Variants in KAZN observed in about 807,000 individuals in gnomAD.
The protein encoded by KAZN is kazrin, periplakin interacting protein.
Under a neutral mutation model 87.4 loss-of-function variants are expected in KAZN, and 40 were observed. The ratio of observed to expected loss-of-function variants is 0.46; its 90% CI spans 0.36 to 0.60. KAZN has a LOEUF of 0.60. Ranked by LOEUF, KAZN falls within the 20% of genes least tolerant of loss-of-function variation. The probability of loss-of-function intolerance (pLI) is 0.00; values close to 1 mark genes in which losing one functional copy is unlikely to be tolerated. For missense variants in KAZN, 898 were observed against 1,073.9 expected, an observed-to-expected ratio of 0.84 and a Z score of 2.29; for synonymous variants, 466 against 458.3, an observed-to-expected ratio of 1.02 and a Z score of -0.22.
chr1:13,935,458 G>A (rs1640693284), intron 1 of KAZN, among the ~76,000 whole-genome samples: 1 of 152,178 alleles, frequency 6.6e-6, no homozygotes, highest in South Asian at 2.1e-4. Context: ...CTGTGATCTT[G>A]ACTGCTGTGC....
At chr1:14,471,277 A>G (rs949866140) in intron 2 of KAZN, among the ~76,000 whole-genome samples, 5 of 152,260 alleles carry the variant, frequency 3.3e-5, no homozygotes, top group Non-Finnish European at 7.3e-5. Flanking sequence ...CTCTATAATT[A>G]TAATTTCAAA....
At chr1:14,290,698 C>T (rs979540115) in intron 2 of KAZN, among the ~76,000 whole-genome samples, 1 of 152,202 alleles carries the variant, frequency 6.6e-6, no homozygotes, top group Non-Finnish European at 1.5e-5. Flanking sequence ...CAAAGTCATT[C>T]TCCGTCCAGC....
chr1:14,108,672 G>A (rs976763663), intron 1 of KAZN, among the ~76,000 whole-genome samples: 7 of 152,034 alleles, frequency 4.6e-5, no homozygotes, highest in African/African-American at 1.5e-4. Flanking sequence ...GTCCTCTTAC[G>A]TATCCCCAAA....
At chr1:14,278,034 G>A (rs1652523438) in intron 2 of KAZN, among the ~76,000 whole-genome samples, 1 of 151,610 alleles carries the variant, frequency 6.6e-6, no homozygotes, top group African/African-American at 2.4e-5. Context: ...ATGTGGAGAG[G>A]TGGCAGGTGC....
intron 10 of KAZN, among the ~76,000 whole-genome samples, chr1:15,097,016 G>A (rs186247567): frequency 4.3e-4 from 66 of 152,308 alleles, no homozygotes; most frequent in Middle Eastern, 6.8e-3. Context: ...TCCTGGAGGA[G>A]GCAGAGGACT....
At chr1:13,895,096 C>T (rs1457276808) in intron 1 of KAZN, among the ~76,000 whole-genome samples, 1 of 152,202 alleles carries the variant, frequency 6.6e-6, no homozygotes, top group African/African-American at 2.4e-5. Flanking sequence ...AAACATCCTT[C>T]TATGGGTCAG....
intron 2 of KAZN, among the ~76,000 whole-genome samples, chr1:14,187,685 C>G (rs2100344935): frequency 6.6e-6 from 1 of 152,216 alleles, no homozygotes; most frequent in East Asian, 1.9e-4. Context: ...AGGTAGAAGC[C>G]AAGGATGTTG....
At chr1:14,020,881 G>A (rs182128860) in intron 1 of KAZN, among the ~76,000 whole-genome samples, 5 of 152,278 alleles carry the variant, frequency 3.3e-5, no homozygotes, top group East Asian at 1.9e-4. Flanking sequence ...ATTTGTCACC[G>A]TTCCTTTAGA....
intron 1 of KAZN, among the ~76,000 whole-genome samples, chr1:14,840,820 G>A (rs1647878303): frequency 6.6e-6 from 1 of 152,190 alleles, no homozygotes. Flanking sequence ...CATATCTATT[G>A]AATGCATGCC....
chr1:13,994,408 A>C (rs1309419508), intron 1 of KAZN, among the ~76,000 whole-genome samples: 1 of 152,262 alleles, frequency 6.6e-6, no homozygotes, highest in African/African-American at 2.4e-5. Flanking sequence ...AGTTAAAATC[A>C]TAAAGAGTCA....
chr1:14,056,195 A>T (rs1270626601), intron 1 of KAZN, among the ~76,000 whole-genome samples: 1 of 152,216 alleles, frequency 6.6e-6, no homozygotes, highest in African/African-American at 2.4e-5. Flanking sequence ...TCCACCTCTT[A>T]ATCTCCAGAA....
chr1:14,425,633 C>T (rs902138650), intron 2 of KAZN, among the ~76,000 whole-genome samples: 5 of 152,210 alleles, frequency 3.3e-5, no homozygotes, highest in African/African-American at 9.6e-5. Flanking sequence ...GGACACATTC[C>T]ACCAAGTGTC....
chr1:14,625,432 CA>C (rs562990962), intron 1 of KAZN, among the ~76,000 whole-genome samples: 1 of 152,216 alleles, frequency 6.6e-6, no homozygotes, highest in East Asian at 1.9e-4. Flanking sequence ...CTCTTCTCTG[CA>C]AGTGGAAAAT....
rs1412260616 is a variant in KAZN at position 14,142,108 on chromosome 1, C to T, written c.92-38327C>T. ...TCTTCCTCTTTTCCTCCCTCCTTCC[C>T]TTTTTTTTTTTTTTTTTGGCTTGCC... On this transcript the variant is annotated intron_variant, in intron 1 of 16. Coordinates refer to the KAZN transcript ENST00000636203. Among the ~76,000 whole-genome samples, 752 of 128,938 alleles carry T rather than the reference C, an allele frequency of 5.8e-3. 2 individuals are homozygous for T. The highest frequency in any genetic ancestry group is 9.0e-3 in the Non-Finnish European group (554 of 61,696). The allele number at this position is 128,938 out of a possible 152,430, so 84.6% of individuals were successfully genotyped here.
chr1:15,113,548 T>A (rs1641732652), intron 14 of KAZN: 1 of 152,210 alleles, frequency 6.6e-6, no homozygotes, highest in African/African-American at 2.4e-5. Context: ...ATGTGTGCAG[T>A]AAGAGAGAAG....
At chr1:15,065,812 C>T (rs547465441) in intron 8 of KAZN, 59 bp downstream of exon 8, 28 of 1,593,338 alleles carry the variant, frequency 1.8e-5, no homozygotes, top group East Asian at 4.5e-5. Flanking sequence ...CGCTCCCCTG[C>T]GCCTGCTGCC....
chr1:15,103,510 CATGCAAATCTAT>C (rs1557801600), intron 12 of KAZN, 50 bp downstream of exon 12: 39 of 1,196,744 alleles, frequency 3.3e-5, no homozygotes, highest in African/African-American at 6.7e-5. Flanking sequence ...ACACAAACCC[CATGCAAATCTAT>C]ATGCAAATCA....
At chr1:15,041,331 C>CTTTTTTTTTTTTTTTTTTTTTTT (rs71000360) in intron 3 of KAZN, among the ~76,000 whole-genome samples, 24 of 114,124 alleles carry the variant, frequency 2.1e-4, no homozygotes, top group African/African-American at 3.5e-4. Flanking sequence ...CATTTTTTTT[C>CTTTTTTTTTTTTTTTTTTTTTTT]TTTTTTTTTT....
intron 2 of KAZN, among the ~76,000 whole-genome samples, chr1:14,443,548 C>A (rs1361900978): frequency 1.3e-5 from 2 of 152,224 alleles, no homozygotes; most frequent in Non-Finnish European, 2.9e-5. Flanking sequence ...GGATTGGAGG[C>A]CCCTGGCCTT....
Sources: allele counts gnomAD v4.1 joint callset (sites outside exome capture counted in the v4.1 genomes callset), GRCh38; gene constraint gnomAD v4.1.1; transcripts MANE v1.5; gene names NCBI Gene and HGNC (gene_info 2026-07-23, HGNC 2026-07-21).